Variants in SLFNL1 observed in about 807,000 individuals in gnomAD.
The protein encoded by SLFNL1 is schlafen-like protein 1.
In SLFNL1, 26 loss-of-function variants were observed where a neutral mutation model predicts 32.5. That is an observed-to-expected ratio of 0.80 (90% CI 0.59 to 1.11). The LOEUF (loss-of-function observed/expected upper bound fraction) is 1.11, where lower values mean the gene tolerates loss of function less well. SLFNL1 is among the 50% of genes least tolerant of loss of function. The pLI is 0.00. For missense variants in SLFNL1, 553 were observed against 546.5 expected (o/e 1.01, Z -0.12); for synonymous variants, 255 against 242.2 (o/e 1.05, Z -0.49).
intron 3 of SLFNL1, among the ~76,000 whole-genome samples, chr1:41,019,273 AG>A (rs1196669272): frequency 6.6e-6 from 1 of 152,190 alleles, no homozygotes; most frequent in Non-Finnish European, 1.5e-5. Context: ...TCTTAGAAAC[AG>A]GATAAACTTC....
At chr1:41,018,902 T>C (rs898647443) in intron 3 of SLFNL1, among the ~76,000 whole-genome samples, 1 of 139,326 alleles carries the variant, frequency 7.2e-6, no homozygotes, top group Admixed American at 8.0e-5. Context: ...TGCAGTGGCG[T>C]GATCTCGGCT....
Position 41,017,019 on chromosome 1 carries a change from T to G in SLFNL1, c.1101+215A>C. 1.9e-6 allele frequency: 1 copy of G among 527,966 alleles called. No homozygotes were observed. Among genetic ancestry groups the G allele is most frequent in the Non-Finnish European group, 3.2e-6 (1 of 313,572 alleles). The allele number at this position is 527,966 out of a possible 1,614,324, so 32.7% of individuals were successfully genotyped here. A position where few individuals can be genotyped will look rare whatever the true frequency, so the allele number is the denominator to read the frequency against. ...CACTGCGCCTGGCCACTGCATAGAT[T>G]TTTAAAAGGAGAGAGCTTGGGCCTC... On this transcript the variant is annotated intron_variant, in intron 5 of 5. Coordinates refer to ENST00000302946, the MANE Select transcript of SLFNL1 (RefSeq NM_144990.4). This position sits in a 1 kb window ranked among gnomAD's most constrained non-coding sequence, Gnocchi z 4.9.
intron 5 of SLFNL1, chr1:41,016,551 G>A (rs1643344733): frequency 1.0e-5 from 3 of 300,362 alleles, no homozygotes; most frequent in African/African-American, 2.2e-5. Flanking sequence ...CCCCTCTGCC[G>A]CTTTAGGGCC....
At position 41,017,806 on chromosome 1, in the gene SLFNL1, T is replaced by C. The variant is rs748260284; in HGVS notation, c.786A>G (p.Val262=). 3 of 1,601,272 alleles carry C rather than the reference T, an allele frequency of 1.9e-6. No individual in the cohort carries two copies. The highest frequency in any genetic ancestry group is 2.7e-5 in the African/African-American group (2 of 74,866). ...TGCCCTGCACCAGGCCGCTGTCCTCTACTCCCACGAGCAGGCTGCCGCCCT... is the reference window on the plus strand; with the variant it reads ...TGCCCTGCACCAGGCCGCTGTCCTCCACTCCCACGAGCAGGCTGCCGCCCT... ...NSEGGSLLVG[V]EDSGLVQGIR... Residue 262 remains valine, a synonymous_variant, in exon 4 of 6, where the codon GTA becomes GTG. Transcript: ENST00000302946. This position sits in a 1 kb window ranked among gnomAD's most constrained non-coding sequence, Gnocchi z 4.9.
rs1404002374 is a variant in SLFNL1 at position 41,017,241 on chromosome 1, C to T, written c.1094G>A (p.Cys365Tyr). Residue 365 changes from cysteine to tyrosine, a missense_variant, in exon 5 of 6, where the codon TGC becomes TAC. Physicochemically the swap from Cys to Tyr is radical, Grantham distance 194 (BLOSUM62 -2). Coordinates refer to ENST00000302946, the MANE Select transcript of SLFNL1 (RefSeq NM_144990.4). This position sits in a 1 kb window ranked among gnomAD's most constrained non-coding sequence, Gnocchi z 4.9. The part of the protein sequence containing the change: ...PLSASAIQEW[C>Y]RQRWLVELGK... ...TGGCCTCAGCTTCCGTACCTGCCTG[C>T]ACCACTCCTGGATGGCGCTGGCAGA... 1.9e-6 allele frequency: 3 copies of T among 1,576,908 alleles called. No homozygotes were observed. The East Asian group carries it at 7.0e-5, about 37-fold the overall frequency.
At position 41,017,474 on chromosome 1, in the gene SLFNL1, G is replaced by A; in HGVS notation, c.958-97C>T. On this transcript the variant is annotated intron_variant, in intron 4 of 5. Coordinates refer to ENST00000302946, the MANE Select transcript of SLFNL1 (RefSeq NM_144990.4). This position sits in a 1 kb window ranked among gnomAD's most constrained non-coding sequence, Gnocchi z 4.9. ...TCAGCATTGCTCACTGATTCCTTAG[G>A]GCAGGCCAGCAGGGCTGGCACAGGG... 1 of 1,525,210 alleles carries A rather than the reference G, an allele frequency of 6.6e-7. No homozygotes were observed. The highest frequency in any genetic ancestry group is 2.3e-5 in the East Asian group (1 of 44,092). The allele number at this position is 1,525,210 out of a possible 1,614,324, so 94.5% of individuals were successfully genotyped here.
At position 41,016,031 on chromosome 1, in the gene SLFNL1, G is replaced by A. The variant is rs965070810; in HGVS notation, c.*75C>T. On this transcript the variant is annotated 3_prime_UTR_variant, in exon 6 of 6. Coordinates refer to ENST00000302946, the MANE Select transcript of SLFNL1 (RefSeq NM_144990.4). ...CAGCCCGCATGGGCTTTACTGGTTG[G>A]CCTTACACTCAAACAGGAAATCCCT... 5 of 1,551,504 alleles carry A rather than the reference G, an allele frequency of 3.2e-6. No individual in the cohort carries two copies. In the African/African-American group the frequency reaches 6.9e-5, roughly 21 times the overall value.
chr1:41,018,346 C>T, intron 3 of SLFNL1, 190 bp from the exon 4 acceptor site: 1 of 543,052 alleles, frequency 1.8e-6, no homozygotes, highest in Non-Finnish European at 3.1e-6. Context: ...GGAAACCCTG[C>T]TGGATCGAGG....
In SLFNL1 at chr1:41,020,605, G is replaced by C; in HGVS notation, c.56C>G (p.Ser19Cys). The change falls in exon 3 of 6, where the codon TCC becomes TGC. Residue 19 changes from serine to cysteine, a missense_variant. Ser to Cys is a moderately radical substitution (Grantham distance 112, BLOSUM62 -1). Coordinates refer to ENST00000302946, the MANE Select transcript of SLFNL1 (RefSeq NM_144990.4). ...QTQVSEPFME[S>C]WGEESLPELP... ...CTCCGGCAGGGACTCCTCACCCCAGGACTCCATGAAGGGCTCTGACACCTG... is the reference window on the plus strand; with the variant it reads ...CTCCGGCAGGGACTCCTCACCCCAGCACTCCATGAAGGGCTCTGACACCTG... 6.2e-7 allele frequency: 1 copy of C among 1,613,416 alleles called. No individual in the cohort carries two copies.
intron 3 of SLFNL1, among the ~76,000 whole-genome samples, chr1:41,018,908 C>G (rs183974583): frequency 7.1e-6 from 1 of 140,050 alleles, no homozygotes; most frequent in Non-Finnish European, 1.5e-5. Context: ...GGCGTGATCT[C>G]GGCTCACTGC....
chr1:41,016,256 C>T, intron 5 of SLFNL1, 28 bp from the exon 6 acceptor site: 1 of 1,612,262 alleles, frequency 6.2e-7, no homozygotes, highest in African/African-American at 1.3e-5. Flanking sequence ...AAGCATGTGG[C>T]CAAGCCCGCC....
At position 41,017,283 on chromosome 1, in the gene SLFNL1, C is replaced by T. The variant is rs745461879; in HGVS notation, c.1052G>A (p.Ser351Asn). Residue 351 changes from serine to asparagine, a missense_variant, in exon 5 of 6, where the codon AGC becomes AAC. Transcript: ENST00000302946. The surrounding 1 kb of genome is among the most constrained non-coding windows in gnomAD (Gnocchi z 4.9). ...GCTGGCAGACAGCGGGCCCTGGATGCTCCCGTCGCGCCGCAGAAACACCTC... is the reference window on the plus strand; with the variant it reads ...GCTGGCAGACAGCGGGCCCTGGATGTTCCCGTCGCGCCGCAGAAACACCTC... The part of the protein sequence containing the change: ...QGEVFLRRDG[S>N]IQGPLSASAI... 1.9e-6 allele frequency: 3 copies of T among 1,609,102 alleles called. No homozygotes were observed. The highest frequency in any genetic ancestry group is 1.3e-5 in the African/African-American group (1 of 74,856).
intron 3 of SLFNL1, among the ~76,000 whole-genome samples, chr1:41,018,860 G>C (rs1409287603): frequency 1.0e-5 from 1 of 99,786 alleles, no homozygotes; most frequent in Non-Finnish European, 1.9e-5. Flanking sequence ...TTTTGAGACA[G>C]AGTCTCGCCC....
At chr1:41,016,255 G>A (rs753021706) in intron 5 of SLFNL1, 27 bp from the exon 6 acceptor site, 5 of 1,612,080 alleles carry the variant, frequency 3.1e-6, no homozygotes, top group Non-Finnish European at 4.2e-6. Flanking sequence ...AAAGCATGTG[G>A]CCAAGCCCGC....
At chr1:41,016,340 T>C in intron 5 of SLFNL1, 112 bp from the exon 6 acceptor site, 1 of 1,484,204 alleles carries the variant, frequency 6.7e-7, no homozygotes, top group African/African-American at 1.4e-5. Flanking sequence ...GCCTGAGAGC[T>C]TTCTCAGCTA....
At position 41,020,519 on chromosome 1, in the gene SLFNL1, T is replaced by A. The variant is rs138155841; in HGVS notation, c.142A>T (p.Thr48Ser). ...SDLEEAPSAH[T>S]LYVGHLNPQF... ...GGGTTCAGATGGCCCACATAGAGAG[T>A]GTGCGCCGAGGGAGCCTCCTCGAGG... Residue 48 changes from threonine (T) to serine (S), a missense_variant, in exon 3 of 6, where the codon ACT becomes TCT. Physicochemically the swap from Thr to Ser is moderately conservative, Grantham distance 58. Transcript: ENST00000302946. The A allele has an allele frequency of 1.4e-3, 2,190 of 1,613,070 alleles. 1 individual carries two copies. The highest frequency in any genetic ancestry group is 1.8e-3 in the Non-Finnish European group (2,075 of 1,179,928).
At position 41,017,278 on chromosome 1, in the gene SLFNL1, G is replaced by T; in HGVS notation, c.1057C>A (p.Gln353Lys). The change falls in exon 5 of 6, where the codon CAG becomes AAG. Residue 353 changes from glutamine to lysine, a missense_variant. By Grantham distance (53) the Gln-to-Lys change is moderately conservative (BLOSUM62 1). Coordinates refer to ENST00000302946, the MANE Select transcript of SLFNL1 (RefSeq NM_144990.4). The surrounding 1 kb of genome is among the most constrained non-coding windows in gnomAD (Gnocchi z 4.9). ...EVFLRRDGSIQGPLSASAIQE... is the reference protein window; with the variant it reads ...EVFLRRDGSIKGPLSASAIQE... ...ATGGCGCTGGCAGACAGCGGGCCCT[G>T]GATGCTCCCGTCGCGCCGCAGAAAC... 1 of 1,608,144 alleles carries T rather than the reference G, an allele frequency of 6.2e-7. No individual in the cohort carries two copies.
intron 3 of SLFNL1, 127 bp from the exon 4 acceptor site, chr1:41,018,283 C>A: frequency 1.0e-6 from 1 of 977,032 alleles, no homozygotes; most frequent in Non-Finnish European, 1.4e-6. Flanking sequence ...CATCCTGATG[C>A]CCCTCACCAG....
At chr1:41,016,543 C>T (rs1216376797) in intron 5 of SLFNL1, 2 of 318,104 alleles carry the variant, frequency 6.3e-6, no homozygotes, top group Non-Finnish European at 5.8e-6. Context: ...TGTCTTGCCC[C>T]CTCTGCCGCT....
Sources: gnomAD v4.1 joint callset for allele counts (sites outside exome capture counted in the v4.1 genomes callset) on GRCh38, gnomAD v4.1.1 for gene constraint, Gnocchi (gnomAD v3.1) non-coding constraint, MANE v1.5 for transcripts, NCBI Gene and HGNC (gene_info 2026-07-23, HGNC 2026-07-21) for gene names.